Variants in NTRK3 observed in about 807,000 individuals in gnomAD.
NTRK3 encodes NT-3 growth factor receptor.
NTRK3 carries 24 observed loss-of-function variants against 91.7 expected under a neutral mutation model. The observed-to-expected ratio is 0.26, with a 90% CI of 0.19 to 0.37. NTRK3 has a LOEUF of 0.37. Ranked by LOEUF, NTRK3 falls within the 10% of genes least tolerant of loss-of-function variation. NTRK3 has a pLI of 1.00. For missense variants in NTRK3, 880 were observed against 1,068.9 expected, an observed-to-expected ratio of 0.82 and a Z score of 2.46; for synonymous variants, 483 against 404.0, an observed-to-expected ratio of 1.20 and a Z score of -2.34.
chr15:87,876,054 T>C (rs2141429644), exon 19 of NTRK3: 1 of 232,642 alleles, frequency 4.3e-6, no homozygotes, highest in African/African-American at 2.2e-5. Flanking sequence ...CAGGTGGCAG[T>C]GTCTTGGCAG....
chr15:88,023,617 C>G (rs2077772177), intron 14 of NTRK3, among the ~76,000 whole-genome samples: 1 of 152,112 alleles, frequency 6.6e-6, no homozygotes, highest in Admixed American at 6.6e-5. Flanking sequence ...AGAGGGGACC[C>G]ATCAGAATCC....
chr15:87,971,588 C>T (rs1291211040), intron 14 of NTRK3, among the ~76,000 whole-genome samples: 3 of 152,206 alleles, frequency 2.0e-5, no homozygotes, highest in Non-Finnish European at 4.4e-5. Flanking sequence ...CTTGTCTGAC[C>T]CAGTGCTGAG....
intron 14 of NTRK3, chr15:87,981,400 A>G (rs771623634): frequency 6.2e-7 from 1 of 1,613,754 alleles, no homozygotes; most frequent in African/African-American, 1.3e-5. Context: ...AATGGTCAGT[A>G]TTAAACCCCA....
chr15:87,898,433 C>T (rs776964405), intron 17 of NTRK3, among the ~76,000 whole-genome samples: 6 of 151,948 alleles, frequency 3.9e-5, no homozygotes, highest in Non-Finnish European at 4.4e-5. Flanking sequence ...TTTACAAAAG[C>T]GGGGCTTAGA....
intron 17 of NTRK3, 107 bp downstream of exon 17, chr15:87,929,084 G>A (rs2141905550): frequency 6.5e-7 from 1 of 1,533,960 alleles, no homozygotes; most frequent in Non-Finnish European, 9.0e-7. Context: ...GGGCATGGGT[G>A]TGTATATGTG....
chr15:87,981,679 G>A (rs180924725), intron 14 of NTRK3, among the ~76,000 whole-genome samples: 3 of 152,158 alleles, frequency 2.0e-5, no homozygotes, highest in African/African-American at 4.8e-5. Context: ...GGACCAGAAT[G>A]TCTCAAAATG....
In NTRK3 at chr15:88,176,875, A is replaced by T. The variant is rs143310915; in HGVS notation, c.395+6543T>A. ...AATAGTAATAAAGGCGAAGGAAATT[A>T]TTCAGCCACATGACGGAATAAAATG... On this transcript the variant is annotated intron_variant, in intron 5 of 18. Coordinates refer to ENST00000394480, the Ensembl canonical transcript of NTRK3. Among the ~76,000 whole-genome samples the T allele has an allele frequency of 9.8e-5, 15 of 152,372 alleles. No homozygotes were observed. The East Asian group carries it at 2.9e-3, about 29-fold the overall frequency.
chr15:88,246,575 G>A (rs1236725878), intron 3 of NTRK3, among the ~76,000 whole-genome samples: 2 of 152,170 alleles, frequency 1.3e-5, no homozygotes, highest in African/African-American at 4.8e-5. Context: ...TCTCTATTAA[G>A]CCTGTGGGTC....
At chr15:87,870,410 C>A in exon 19 of NTRK3, 1 of 203,188 alleles carries the variant, frequency 4.9e-6, no homozygotes. Flanking sequence ...AAGAATGACA[C>A]AATGGACTCT....
At chr15:87,869,701 T>C (rs2064774310) in exon 19 of NTRK3, 1 of 199,838 alleles carries the variant, frequency 5.0e-6, no homozygotes, top group Non-Finnish European at 1.0e-5. Context: ...CACTGAGATT[T>C]ACTTCTCCAC....
intron 14 of NTRK3, among the ~76,000 whole-genome samples, chr15:88,015,308 C>A (rs2141822916): frequency 6.6e-6 from 1 of 152,278 alleles, no homozygotes; most frequent in African/African-American, 2.4e-5. Flanking sequence ...TGTCAATAAG[C>A]TATGCTATTT....
At chr15:88,027,333 G>A (rs954148606) in intron 14 of NTRK3, among the ~76,000 whole-genome samples, 6 of 152,252 alleles carry the variant, frequency 3.9e-5, no homozygotes, top group Non-Finnish European at 7.4e-5. Flanking sequence ...TTGCTCTAAA[G>A]AGGCTGTTGA....
At chr15:87,932,089 A>G (rs1232243774) in intron 16 of NTRK3, among the ~76,000 whole-genome samples, 2 of 152,098 alleles carry the variant, frequency 1.3e-5, no homozygotes, top group African/African-American at 4.8e-5. Context: ...AGGAGTCCTA[A>G]CTCTGCAATA....
intron 14 of NTRK3, among the ~76,000 whole-genome samples, chr15:87,951,007 C>A (rs1422486381): frequency 1.3e-5 from 2 of 152,144 alleles, no homozygotes. Flanking sequence ...GATAACCTGG[C>A]CCAAATCCCC....
At chr15:87,935,444 A>G (rs1437792094) in intron 15 of NTRK3, among the ~76,000 whole-genome samples, 1 of 152,228 alleles carries the variant, frequency 6.6e-6, no homozygotes, top group Non-Finnish European at 1.5e-5. Context: ...GACATTTGAG[A>G]AGTCAGAGAG....
At chr15:88,183,626 G>C in intron 4 of NTRK3, 137 bp from the exon 5 acceptor site, 1 of 829,810 alleles carries the variant, frequency 1.2e-6, no homozygotes, top group South Asian at 1.4e-5. Context: ...TTCATTGCCA[G>C]TTATCACAGG....
exon 9 of NTRK3, chr15:88,135,984 C>T (rs781493247): frequency 7.4e-6 from 12 of 1,614,232 alleles, no homozygotes; most frequent in East Asian, 2.2e-5. Context: ...TGTCCTCACT[C>T]GTCACATTCA....
chr15:87,926,599 CCT>C (rs2068331801), intron 17 of NTRK3: 1 of 152,130 alleles, frequency 6.6e-6, no homozygotes, highest in Non-Finnish European at 1.5e-5. Context: ...TCCTTGTAGC[CCT>C]TTTAGGCATA....
At chr15:88,221,071 TAGAA>T (rs992868683) in intron 3 of NTRK3, among the ~76,000 whole-genome samples, 23 of 152,368 alleles carry the variant, frequency 1.5e-4, no homozygotes, top group Admixed American at 1.1e-3. Flanking sequence ...GCTTTCATTT[TAGAA>T]AGAAAGAAAC....
Sources: gnomAD v4.1 joint callset for allele counts (sites outside exome capture counted in the v4.1 genomes callset) on GRCh38, gnomAD v4.1.1 for gene constraint, MANE v1.5 for transcripts, NCBI Gene and HGNC (gene_info 2026-07-23, HGNC 2026-07-21) for gene names.